The following DNM3 variants were observed in gnomAD, a reference collection of about 807,000 sequenced individuals.
DNM3 encodes dynamin-3.
In DNM3, 47 loss-of-function variants were observed where a neutral mutation model predicts 101.6. That is an observed-to-expected ratio of 0.46 (90% CI 0.37 to 0.59). The LOEUF (loss-of-function observed/expected upper bound fraction) is 0.59. DNM3 is among the 20% of genes least tolerant of loss of function. The pLI is 0.00. For synonymous variants in DNM3, 385 were observed against 387.9 expected (o/e 0.99, Z 0.09); for missense variants, 849 against 1,085.7 (o/e 0.78, Z 3.06).
At chr1:171,848,870 A>T (rs1419420925) in intron 1 of DNM3, among the ~76,000 whole-genome samples, 2 of 152,202 alleles carry the variant, frequency 1.3e-5, no homozygotes, top group African/African-American at 2.4e-5. Context: ...TTAATTCCGG[A>T]ATTATATGAA....
intron 1 of DNM3, among the ~76,000 whole-genome samples, chr1:171,844,649 AGTGATGAACTT>A (rs1328006214): frequency 6.6e-6 from 1 of 152,230 alleles, no homozygotes; most frequent in Non-Finnish European, 1.5e-5. Flanking sequence ...TTCTTGCTGA[AGTGATGAACTT>A]GCATATTAAT....
chr1:172,379,688 TA>T (rs2068793143), intron 18 of DNM3, among the ~76,000 whole-genome samples: 1 of 152,046 alleles, frequency 6.6e-6, no homozygotes, highest in Non-Finnish European at 1.5e-5. Flanking sequence ...TCCCTCGGAT[TA>T]AAAACTCAGT....
In DNM3 at chr1:172,388,791, C is replaced by A; in HGVS notation, c.2504C>A (p.Ala835Asp). The A allele has an allele frequency of 6.3e-7, 1 of 1,587,954 alleles. No individual in the cohort carries two copies. The highest frequency in any genetic ancestry group is 8.6e-7 in the Non-Finnish European group (1 of 1,167,144). ...CAAGTTCCATCTAGGCCTACGAGGG[C>A]CCCGCCCAGTGTCCCAAGGTAAGGC... ...PPQVPSRPTRAPPSVPSRRPP... is the reference protein window; with the variant it reads ...PPQVPSRPTRDPPSVPSRRPP... The change falls in exon 20 of 21, where the codon GCC becomes GAC. Residue 835 changes from alanine to aspartate, a missense_variant. Physicochemically the swap from Ala to Asp is moderately radical, Grantham distance 126 (BLOSUM62 -2). Around this residue, in one of 5 missense-constraint regions of DNM3, gnomAD observed 256 missense variants for 311.7 expected, o/e 0.82. Coordinates refer to ENST00000627582, the MANE Select transcript of DNM3 (RefSeq NM_015569.5).
intron 15 of DNM3, chr1:172,289,867 C>G (rs923031327): frequency 1.0e-6 from 1 of 977,496 alleles, no homozygotes; most frequent in Non-Finnish European, 1.2e-6. Flanking sequence ...TAACTTTTAT[C>G]ATAATTTGTA....
rs568914294 is a variant in DNM3 at position 172,227,472 on chromosome 1, A to G, written c.1660-26101A>G. Among the ~76,000 whole-genome samples, 12 of 151,842 alleles carry G rather than the reference A, an allele frequency of 7.9e-5. No individual in the cohort carries two copies. The East Asian group carries it at 2.3e-3, about 29-fold the overall frequency. Reference sequence around the variant, plus strand: ...CCCAGTAGTGGAATTGCTGGATTGAATGGTAGATATACTTTTGTTTGAGAG... The same window carrying G: ...CCCAGTAGTGGAATTGCTGGATTGAGTGGTAGATATACTTTTGTTTGAGAG... On this transcript the variant is annotated intron_variant, in intron 14 of 20. Transcript: ENST00000627582.
chr1:171,915,864 C>A (rs2039671074), intron 1 of DNM3, among the ~76,000 whole-genome samples: 1 of 152,148 alleles, frequency 6.6e-6, no homozygotes, highest in Non-Finnish European at 1.5e-5. Context: ...TCTCTCAGTT[C>A]CACTTCTTTC....
At chr1:172,056,518 C>T (rs1180277845) in intron 10 of DNM3, among the ~76,000 whole-genome samples, 1 of 152,196 alleles carries the variant, frequency 6.6e-6, no homozygotes, top group Non-Finnish European at 1.5e-5. Context: ...ACTGCCTCCT[C>T]AAGTGGGTCC....
intron 14 of DNM3, among the ~76,000 whole-genome samples, chr1:172,203,369 T>C (rs1192373184): frequency 1.3e-5 from 2 of 152,164 alleles, no homozygotes; most frequent in Admixed American, 1.3e-4. Context: ...AACCGAAGCA[T>C]AAACATTGTG....
At chr1:172,159,473 G>C (rs2058466964) in intron 14 of DNM3, among the ~76,000 whole-genome samples, 1 of 152,024 alleles carries the variant, frequency 6.6e-6, no homozygotes, top group Non-Finnish European at 1.5e-5. Flanking sequence ...TTTAGCATGT[G>C]TATAAACATG....
intron 17 of DNM3, among the ~76,000 whole-genome samples, chr1:172,360,055 A>AT (rs1469469027): frequency 6.6e-6 from 1 of 152,020 alleles, no homozygotes; most frequent in African/African-American, 2.4e-5. Flanking sequence ...ACTAAAATTG[A>AT]TTTTTTTAAA....
intron 2 of DNM3, among the ~76,000 whole-genome samples, chr1:171,965,074 G>A (rs1291118405): frequency 3.9e-5 from 6 of 152,070 alleles, no homozygotes; most frequent in African/African-American, 4.8e-5. Context: ...AGACTGTCCC[G>A]AGTTCAAATG....
chr1:172,370,942 A>G (rs934396530), intron 17 of DNM3, among the ~76,000 whole-genome samples: 1 of 151,984 alleles, frequency 6.6e-6, no homozygotes, highest in African/African-American at 2.4e-5. Flanking sequence ...CAGCAAATCT[A>G]TATATCTTTC....
At chr1:171,952,818 T>G (rs1052463251) in intron 2 of DNM3, among the ~76,000 whole-genome samples, 4 of 152,012 alleles carry the variant, frequency 2.6e-5, no homozygotes, top group African/African-American at 9.7e-5. Context: ...CAAATAACTT[T>G]CTATGACTGG....
chr1:172,071,478 G>A (rs188263007), intron 11 of DNM3, among the ~76,000 whole-genome samples: 245 of 152,106 alleles, frequency 1.6e-3, no homozygotes, highest in Non-Finnish European at 2.1e-3. Flanking sequence ...CTGCTGCCTG[G>A]GACCATGTGG....
intron 14 of DNM3, among the ~76,000 whole-genome samples, chr1:172,193,058 T>G (rs1331339910): frequency 6.6e-6 from 1 of 151,902 alleles, no homozygotes; most frequent in Non-Finnish European, 1.5e-5. Flanking sequence ...GACTTTTTAA[T>G]GATTGCCATT....
At chr1:172,389,467 T>C (rs1339595275) in intron 20 of DNM3, among the ~76,000 whole-genome samples, 1 of 152,160 alleles carries the variant, frequency 6.6e-6, no homozygotes, top group Non-Finnish European at 1.5e-5. Context: ...TGAAACAATA[T>C]AGCTAATAAA....
intron 2 of DNM3, among the ~76,000 whole-genome samples, chr1:171,984,243 G>A (rs771266164): frequency 1.1e-4 from 17 of 152,144 alleles, no homozygotes; most frequent in Admixed American, 3.3e-4. Context: ...ATCCACAGTT[G>A]TTTCAAACCT....
At chr1:172,115,587 C>A (rs940312679) in intron 13 of DNM3, among the ~76,000 whole-genome samples, 3 of 152,194 alleles carry the variant, frequency 2.0e-5, no homozygotes, top group African/African-American at 2.4e-5. Flanking sequence ...GCTCCTCCCC[C>A]TCTCGCTCAC....
chr1:172,299,905 A>G (rs2064355243), intron 15 of DNM3, among the ~76,000 whole-genome samples: 1 of 152,202 alleles, frequency 6.6e-6, no homozygotes. Flanking sequence ...CATACCCAGT[A>G]ATGGAATTGC....
Sources: allele counts gnomAD v4.1 joint callset (sites outside exome capture counted in the v4.1 genomes callset), GRCh38; gene constraint gnomAD v4.1.1; regional missense constraint gnomAD v4.1.1; transcripts MANE v1.5; gene names NCBI Gene and HGNC (gene_info 2026-07-23, HGNC 2026-07-21).